The following DIAPH3 variants were observed in gnomAD, a reference collection of about 807,000 sequenced individuals.
DIAPH3 encodes the protein protein diaphanous homolog 3.
A neutral mutation model predicts 144.3 loss-of-function variants in DIAPH3; 117 were observed. That is an observed-to-expected ratio of 0.81 (90% CI 0.70 to 0.95). The LOEUF (loss-of-function observed/expected upper bound fraction) is 0.95, where lower values mean the gene tolerates loss of function less well. Among genes scored for constraint, DIAPH3 ranks in the 40% least tolerant of loss-of-function variants. DIAPH3 has a pLI of 0.00. For missense variants in DIAPH3, 1,421 were observed against 1,412.7 expected, an observed-to-expected ratio of 1.01 and a Z score of -0.09; for synonymous variants, 519 against 488.9, an observed-to-expected ratio of 1.06 and a Z score of -0.81.
chr13:60,119,180 C>T (rs1454147564), intron 2 of DIAPH3, among the ~76,000 whole-genome samples: 8 of 152,134 alleles, frequency 5.3e-5, no homozygotes, highest in African/African-American at 1.2e-4. Context: ...TGTTTTGCTC[C>T]TTCTTGGGAG....
chr13:59,854,236 C>T (rs2043139968), intron 22 of DIAPH3, among the ~76,000 whole-genome samples: 2 of 152,100 alleles, frequency 1.3e-5, no homozygotes, highest in South Asian at 2.1e-4. Flanking sequence ...ATGCTTCCTC[C>T]CCTGGAGTCT....
At chr13:59,691,415 A>G (rs931961415) in intron 27 of DIAPH3, among the ~76,000 whole-genome samples, 12 of 152,170 alleles carry the variant, frequency 7.9e-5, no homozygotes, top group Non-Finnish European at 1.5e-4. Flanking sequence ...TTACTTACTG[A>G]TATCTAGGTG....
In DIAPH3 at chr13:59,724,935, G is replaced by C. The variant is rs139692077; in HGVS notation, c.3319+49254C>G. ...GCCCCAGAAAAGAAAAGCTATTCTA[G>C]AGTTTCAACTTTTATTTATCAAGGA... On this transcript the variant is annotated intron_variant, in intron 27 of 27. Coordinates refer to ENST00000400324, the MANE Select transcript of DIAPH3 (RefSeq NM_001042517.2). Among the ~76,000 whole-genome samples the C allele has an allele frequency of 3.3e-5, 5 of 152,274 alleles. No homozygotes were observed. In the East Asian group the frequency reaches 5.8e-4, roughly 18 times the overall value.
intron 2 of DIAPH3, among the ~76,000 whole-genome samples, chr13:60,116,935 G>A (rs188802142): frequency 6.6e-6 from 1 of 152,018 alleles, no homozygotes; most frequent in African/African-American, 2.4e-5. Context: ...GGTTGAATAC[G>A]TTGGTTTAAT....
chr13:60,011,975 T>A (rs952841149), intron 7 of DIAPH3, among the ~76,000 whole-genome samples: 1 of 152,080 alleles, frequency 6.6e-6, no homozygotes, highest in African/African-American at 2.4e-5. Flanking sequence ...ACAGTACTAT[T>A]TATCTAGCAT....
rs567887685 is a variant in DIAPH3, at chr13:59,678,264, T to C, written c.3320-11418A>G. ...ACTAGATTGATGGTACCAAGCTTCA[T>C]TATGAAATCTTAAACTATTTCTAAA... is the stretch of plus-strand genomic sequence containing the variant. On this transcript the variant is annotated intron_variant, in intron 27 of 27. Transcript: ENST00000400324. Among the ~76,000 whole-genome samples, 6 of 152,284 alleles carry C rather than the reference T, an allele frequency of 3.9e-5. No individual in the cohort carries two copies. The South Asian group carries it at 1.2e-3, about 32-fold the overall frequency.
intron 9 of DIAPH3, among the ~76,000 whole-genome samples, chr13:59,993,311 C>T (rs2051959921): frequency 6.6e-6 from 1 of 151,798 alleles, no homozygotes; most frequent in Non-Finnish European, 1.5e-5. Context: ...TATCTTTCAT[C>T]CTCCAAAATC....
intron 17 of DIAPH3, among the ~76,000 whole-genome samples, chr13:59,943,083 G>A (rs960048284): frequency 1.3e-5 from 2 of 152,096 alleles, no homozygotes; most frequent in Non-Finnish European, 2.9e-5. Context: ...GTTCTCTTAT[G>A]AGAAAAGACA....
chr13:59,777,182 C>T (rs1317113175), intron 25 of DIAPH3, among the ~76,000 whole-genome samples: 2 of 151,924 alleles, frequency 1.3e-5, no homozygotes, highest in Non-Finnish European at 2.9e-5. Flanking sequence ...ATTGTTGTGC[C>T]AGAAAATAAG....
chr13:60,123,407 C>T (rs2058899790), intron 2 of DIAPH3, among the ~76,000 whole-genome samples: 1 of 152,186 alleles, frequency 6.6e-6, no homozygotes, highest in Non-Finnish European at 1.5e-5. Flanking sequence ...GTACACCCTA[C>T]TACATATTAG....
rs1365147239 is a variant in DIAPH3 at position 59,879,337 on chromosome 13, G to A, written c.2499C>T (p.Ser833=). The A allele has an allele frequency of 6.2e-7, 1 of 1,613,844 alleles. No individual in the cohort carries two copies. Among genetic ancestry groups the A allele is most frequent in the Admixed American group, 1.7e-5 (1 of 59,962 alleles). ...GTTCCAGCAACTTGCTAAAGCTTTT[G>A]CTCTTCTTTATCTCTTCGCAGGCAG... ...VSTACEEIKK[S]KSFSKLLELV... The change falls in exon 21 of 28, where the codon AGC becomes AGT. Residue 833 remains serine, a synonymous_variant. Coordinates refer to ENST00000400324, the MANE Select transcript of DIAPH3 (RefSeq NM_001042517.2).
intron 1 of DIAPH3, 48 bp downstream of exon 1, chr13:60,163,539 C>T: frequency 6.3e-7 from 1 of 1,583,762 alleles, no homozygotes; most frequent in Admixed American, 1.8e-5. Context: ...GCAGTCAGCC[C>T]TACGGCGGGG....
intron 7 of DIAPH3, among the ~76,000 whole-genome samples, chr13:60,012,588 C>A (rs2053350480): frequency 6.6e-6 from 1 of 152,220 alleles, no homozygotes; most frequent in East Asian, 1.9e-4. Context: ...CCTAATAAAT[C>A]TGGGAATTGA....
chr13:60,129,573 C>T (rs945022560), intron 2 of DIAPH3, among the ~76,000 whole-genome samples: 1 of 152,056 alleles, frequency 6.6e-6, no homozygotes, highest in African/African-American at 2.4e-5. Flanking sequence ...TAATGCTTCC[C>T]GTGATGTTTT....
chr13:59,803,853 C>CG (rs2040063047), intron 25 of DIAPH3, among the ~76,000 whole-genome samples: 1 of 152,120 alleles, frequency 6.6e-6, no homozygotes, highest in Non-Finnish European at 1.5e-5. Context: ...GAAAAATTTC[C>CG]CACCAGACAT....
intron 3 of DIAPH3, among the ~76,000 whole-genome samples, chr13:60,098,991 T>C (rs923591500): frequency 2.0e-5 from 3 of 152,208 alleles, no homozygotes; most frequent in Admixed American, 6.5e-5. Context: ...TCTTATCAAC[T>C]GGCTATTGGG....
chr13:59,789,578 C>A (rs1380902101), intron 25 of DIAPH3, among the ~76,000 whole-genome samples: 1 of 151,920 alleles, frequency 6.6e-6, no homozygotes, highest in Non-Finnish European at 1.5e-5. Flanking sequence ...GGTAATTTCA[C>A]AGGAATTTTC....
chr13:60,080,428 G>T (rs573998850), intron 4 of DIAPH3, among the ~76,000 whole-genome samples: 1 of 151,670 alleles, frequency 6.6e-6, no homozygotes, highest in African/African-American at 2.4e-5. Context: ...ACTTAATCTC[G>T]TTATAGTTTG....
intron 27 of DIAPH3, among the ~76,000 whole-genome samples, chr13:59,713,021 G>C (rs769329009): frequency 6.6e-6 from 1 of 152,136 alleles, no homozygotes; most frequent in Non-Finnish European, 1.5e-5. Context: ...TAATGCTGCC[G>C]CTGATCTGAC....
Sources: gnomAD v4.1 joint callset for allele counts (sites outside exome capture counted in the v4.1 genomes callset) on GRCh38, gnomAD v4.1.1 for gene constraint, MANE v1.5 for transcripts, NCBI Gene and HGNC (gene_info 2026-07-23, HGNC 2026-07-21) for gene names.